The following RRM1 variants were observed in gnomAD, a reference collection of about 807,000 sequenced individuals.
RRM1 encodes the protein ribonucleotide reductase catalytic subunit M1.
In RRM1, 19 loss-of-function variants were observed where a neutral mutation model predicts 101.5. The ratio of observed to expected loss-of-function variants is 0.19; its 90% CI spans 0.13 to 0.27. The LOEUF (loss-of-function observed/expected upper bound fraction) is 0.27, where lower values mean the gene tolerates loss of function less well. Among genes scored for constraint, RRM1 ranks in the 10% least tolerant of loss-of-function variants. RRM1 has a pLI of 1.00. For synonymous variants in RRM1, 298 were observed against 323.4 expected (o/e 0.92, Z 0.84); for missense variants, 500 against 962.9 (o/e 0.52, Z 6.36).
At chr11:4,098,458 TA>T (rs34474617) in intron 1 of RRM1, among the ~76,000 whole-genome samples, 126,172 of 149,892 alleles carry the variant, frequency 0.84, 53,922 homozygotes, top group Non-Finnish European at 0.93. Context: ...CACAGCCTGC[TA>T]ATATTATTTT....
rs746364996 is a variant in RRM1, at chr11:4,109,637, CT to C, written c.388-6del. On this transcript the variant is annotated splice_polypyrimidine_tract_variant and splice_region_variant and intron_variant, in intron 4 of 18. Transcript: ENST00000300738. ...TTTAATTATGGGTTCTTTTTCACCC[CT>C]ATCAGCGCCTGAATTCTGCTATTAT... 2.0e-5 allele frequency: 32 copies of C among 1,602,052 alleles called. No homozygotes were observed. Among genetic ancestry groups the C allele is most frequent in the Non-Finnish European group, 2.6e-5 (30 of 1,174,330 alleles).
At position 4,132,541 on chromosome 11, in the gene RRM1, C is replaced by T. The variant is rs1848702234; in HGVS notation, c.1905+120C>T. 2.2e-5 allele frequency: 18 copies of T among 819,332 alleles called. No homozygotes were observed. The highest frequency in any genetic ancestry group is 4.4e-5 in the Admixed American group (2 of 45,126). The allele number at this position is 819,332 out of a possible 1,614,324, so 50.8% of individuals were successfully genotyped here. On this transcript the variant is annotated intron_variant, in intron 16 of 18. Transcript: ENST00000300738. The surrounding 1 kb of genome is among the most constrained non-coding windows in gnomAD (Gnocchi z 4.1). ...GTTTGGGTGCAAACTTTGATAAAGA[C>T]AGTCATCTTCATCTCTAATATTATT...
At position 4,108,618 on chromosome 11, in the gene RRM1, A is replaced by T. The variant is rs568287472; in HGVS notation, c.388-1026A>T. 3.4e-3 allele frequency among the ~76,000 whole-genome samples: 511 copies of T among 150,282 alleles called. 1 individual carries two copies. Among genetic ancestry groups the T allele is most frequent in the African/African-American group, 0.012 (490 of 40,998 alleles). ...GTCTCAAAAAAAAAAAAAAAAAAAA[A>T]GAATGATTAATTGACTATCTCTCTA... is the stretch of plus-strand genomic sequence containing the variant. On this transcript the variant is annotated intron_variant, in intron 4 of 18. Coordinates refer to ENST00000300738, the MANE Select transcript of RRM1 (RefSeq NM_001033.5).
At chr11:4,107,978 T>C (rs1001477476) in intron 4 of RRM1, among the ~76,000 whole-genome samples, 9 of 152,344 alleles carry the variant, frequency 5.9e-5, no homozygotes, top group African/African-American at 2.2e-4. Flanking sequence ...TTCACTGCAG[T>C]GAATATTCTT....
intron 5 of RRM1, among the ~76,000 whole-genome samples, chr11:4,110,488 C>T (rs1460292776): frequency 1.3e-5 from 2 of 152,166 alleles, no homozygotes; most frequent in African/African-American, 4.8e-5. Flanking sequence ...CTATAACAGG[C>T]TGGGCATGGT....
chr11:4,099,619 T>C (rs2284449), intron 1 of RRM1, among the ~76,000 whole-genome samples: 6,068 of 152,074 alleles, frequency 0.04, 257 homozygotes, highest in East Asian at 0.19. Flanking sequence ...TGGGAAGCCC[T>C]CTTGGGACTT....
At chr11:4,110,551 C>T (rs982731491) in intron 5 of RRM1, among the ~76,000 whole-genome samples, 1 of 151,848 alleles carries the variant, frequency 6.6e-6, no homozygotes, top group Non-Finnish European at 1.5e-5. Flanking sequence ...GCTGATCACT[C>T]GAGGTCAGGA....
At chr11:4,114,867 C>T (rs1378567653) in intron 7 of RRM1, among the ~76,000 whole-genome samples, 1 of 152,056 alleles carries the variant, frequency 6.6e-6, no homozygotes, top group Non-Finnish European at 1.5e-5. Context: ...CGTGCACCAC[C>T]ACACCCAGCT....
At chr11:4,137,251 T>G in intron 18 of RRM1, 1 of 254,848 alleles carries the variant, frequency 3.9e-6, no homozygotes, top group Non-Finnish European at 7.7e-6. Context: ...AAGCCGCCAT[T>G]GTCATCTTGG....
rs986728053 is a variant in RRM1 at position 4,132,382 on chromosome 11, C to T, written c.1866C>T (p.Ser622=). The T allele has an allele frequency of 6.2e-7, 1 of 1,614,136 alleles. No individual in the cohort carries two copies. Among genetic ancestry groups the T allele is most frequent in the Admixed American group, 1.7e-5 (1 of 60,024 alleles). The change falls in exon 16 of 19, where the codon AGC becomes AGT. Residue 622 remains serine (S), a synonymous_variant. Transcript: ENST00000300738. The surrounding 1 kb of genome is among the most constrained non-coding windows in gnomAD (Gnocchi z 4.1). The part of the protein sequence containing the change: ...GNNESIEPYT[S]NIYTRRVLSG... Reference sequence around the variant, plus strand: ...ATGAGTCCATTGAACCTTACACCAGCAACATCTATACTCGCAGAGTCTTGT... The same window carrying T: ...ATGAGTCCATTGAACCTTACACCAGTAACATCTATACTCGCAGAGTCTTGT...
In RRM1 at chr11:4,132,516, G is replaced by A; in HGVS notation, c.1905+95G>A. On this transcript the variant is annotated intron_variant, in intron 16 of 18. Coordinates refer to ENST00000300738, the MANE Select transcript of RRM1 (RefSeq NM_001033.5). This position sits in a 1 kb window ranked among gnomAD's most constrained non-coding sequence, Gnocchi z 4.1. Reference sequence around the variant, plus strand: ...CATGTTTAATTTGCCCATTTTCTTAGTTTGGGTGCAAACTTTGATAAAGAC... The same window carrying A: ...CATGTTTAATTTGCCCATTTTCTTAATTTGGGTGCAAACTTTGATAAAGAC... 1.5e-6 allele frequency: 2 copies of A among 1,349,794 alleles called. No individual in the cohort carries two copies. The highest frequency in any genetic ancestry group is 1.3e-5 in the South Asian group (1 of 76,368). 83.6% of individuals were successfully genotyped at this position (1,349,794 alleles called of 1,614,324 possible).
At chr11:4,130,795 T>C (rs956058950) in intron 15 of RRM1, among the ~76,000 whole-genome samples, 5 of 152,218 alleles carry the variant, frequency 3.3e-5, no homozygotes, top group Non-Finnish European at 7.3e-5. Flanking sequence ...TTAATTATTA[T>C]AGACAATTCC....
intron 7 of RRM1, among the ~76,000 whole-genome samples, chr11:4,115,313 G>A (rs1047456503): frequency 1.2e-4 from 18 of 151,950 alleles, no homozygotes; most frequent in African/African-American, 4.4e-4. Context: ...TATGTGGGTG[G>A]GCCCTTAATC....
intron 15 of RRM1, among the ~76,000 whole-genome samples, chr11:4,130,086 A>ATATATATATATATATATATATATAT (rs1202870487): frequency 7.0e-5 from 7 of 99,444 alleles, no homozygotes; most frequent in African/African-American, 3.2e-4. Context: ...ATATATATAT[A>ATATATATATATATATATATATATAT]TTTTTTTTTT....
At chr11:4,102,667 A>T (rs1007652546) in intron 2 of RRM1, among the ~76,000 whole-genome samples, 2 of 151,736 alleles carry the variant, frequency 1.3e-5, no homozygotes, top group Admixed American at 6.6e-5. Flanking sequence ...AAAAAAAAAA[A>T]GGGAAGCCTA....
At chr11:4,111,074 CA>C (rs1273700305) in intron 5 of RRM1, among the ~76,000 whole-genome samples, 1 of 151,902 alleles carries the variant, frequency 6.6e-6, no homozygotes, top group East Asian at 1.9e-4. Context: ...TCTGCCGAAA[CA>C]AAAGTGCCAG....
intron 1 of RRM1, among the ~76,000 whole-genome samples, chr11:4,100,048 C>T (rs190205109): frequency 6.6e-6 from 1 of 152,298 alleles, no homozygotes; most frequent in Admixed American, 6.5e-5. Flanking sequence ...GTCCCAGTGC[C>T]AGCCAGTTAA....
chr11:4,095,111 C>CGCCCGCCTTCGCTGCT, intron 1 of RRM1, 80 bp downstream of exon 1: 1 of 1,453,526 alleles, frequency 6.9e-7, no homozygotes. Context: ...CCAGACCGCC[C>CGCCCGCCTTCGCTGCT]GCCCGCCTTC....
intron 2 of RRM1, among the ~76,000 whole-genome samples, 190 bp from the exon 3 acceptor site, chr11:4,105,856 C>G (rs141556464): frequency 6.6e-6 from 1 of 151,710 alleles, no homozygotes; most frequent in African/African-American, 2.4e-5. Context: ...TGAGCCACAA[C>G]GCCTGGCTTT....
Sources: allele counts gnomAD v4.1 joint callset (sites outside exome capture counted in the v4.1 genomes callset), GRCh38; gene constraint gnomAD v4.1.1; non-coding constraint Gnocchi (gnomAD v3.1); transcripts MANE v1.5; gene names NCBI Gene and HGNC (gene_info 2026-07-23, HGNC 2026-07-21).